Variants in QPCT observed in about 807,000 individuals in gnomAD.
The protein encoded by QPCT is EC.
Under a neutral mutation model 43.4 loss-of-function variants are expected in QPCT, and 44 were observed. The observed-to-expected ratio is 1.01, with a 90% CI of 0.80 to 1.30. QPCT has a LOEUF of 1.30. Among genes scored for constraint, QPCT ranks in the 50% most tolerant of loss-of-function variants. The pLI is 0.00. For synonymous variants in QPCT, 168 were observed against 168.4 expected, an observed-to-expected ratio of 1.00 and a Z score of 0.02; for missense variants, 526 against 436.5, an observed-to-expected ratio of 1.21 and a Z score of -1.83.
At chr2:37,354,542 T>C (rs1672700268) in intron 2 of QPCT, among the ~76,000 whole-genome samples, 1 of 152,218 alleles carries the variant, frequency 6.6e-6, no homozygotes, top group South Asian at 2.1e-4. Flanking sequence ...TGTACCATTG[T>C]TGAGGCCAGA....
intron 4 of QPCT, 130 bp from the exon 5 acceptor site, chr2:37,369,555 C>T: frequency 1.5e-6 from 1 of 678,344 alleles, no homozygotes; most frequent in Non-Finnish European, 2.6e-6. Flanking sequence ...ATCTTTGGTT[C>T]ATTCATATAG....
At chr2:37,371,836 T>A (rs1246404789) in intron 5 of QPCT, among the ~76,000 whole-genome samples, 12 of 152,198 alleles carry the variant, frequency 7.9e-5, no homozygotes, top group Admixed American at 2.6e-4. Flanking sequence ...TCCTAGGTGT[T>A]GCTGATGTTG....
intron 1 of QPCT, among the ~76,000 whole-genome samples, 180 bp from the exon 2 acceptor site, chr2:37,352,609 G>C (rs745954477): frequency 2.0e-5 from 3 of 152,194 alleles, no homozygotes; most frequent in African/African-American, 7.2e-5. Context: ...TGGGATTACA[G>C]GCTTGAGCCA....
chr2:37,359,580 C>A lies in QPCT; in HGVS notation c.268C>A (p.His90Asn). The change falls in exon 3 of 7, where the codon CAC (histidine) becomes AAC (asparagine). Residue 90 changes from histidine to asparagine, a missense_variant and splice_region_variant. Transcript: ENST00000338415. ...TTTTTTGTTTTTTTGTTTTGATCAG[C>A]ACATCATGCAGCGAATTCAGAGGCT... Reference protein sequence around the residue: ...GSPGSYAARQHIMQRIQRLQA... With the variant: ...GSPGSYAARQNIMQRIQRLQA... 1 of 1,612,620 alleles carries A rather than the reference C, an allele frequency of 6.2e-7. No individual in the cohort carries two copies. The highest frequency in any genetic ancestry group is 2.2e-5 in the East Asian group (1 of 44,864).
At chr2:37,353,829 C>T (rs1300754004) in intron 2 of QPCT, among the ~76,000 whole-genome samples, 2 of 152,218 alleles carry the variant, frequency 1.3e-5, no homozygotes, top group Non-Finnish European at 2.9e-5. Context: ...CACTGCTGTG[C>T]CTAGATTGAG....
At chr2:37,370,771 G>A (rs1673056398) in intron 5 of QPCT, among the ~76,000 whole-genome samples, 2 of 152,058 alleles carry the variant, frequency 1.3e-5, no homozygotes, top group Admixed American at 1.3e-4. Context: ...CTTGGGGCTT[G>A]GAGAAAGAAA....
intron 2 of QPCT, among the ~76,000 whole-genome samples, chr2:37,353,887 CAG>C (rs1424303889): frequency 6.6e-6 from 1 of 152,164 alleles, no homozygotes; most frequent in Non-Finnish European, 1.5e-5. Flanking sequence ...CTTTCGATTT[CAG>C]AGTCTCGCTC....
chr2:37,369,465 T>G (rs1558607660), intron 4 of QPCT, among the ~76,000 whole-genome samples: 1 of 152,228 alleles, frequency 6.6e-6, no homozygotes, highest in African/African-American at 2.4e-5. Context: ...ACACAAATAA[T>G]CAATATTTTG....
intron 5 of QPCT, among the ~76,000 whole-genome samples, chr2:37,370,891 G>A (rs1296957179): frequency 3.9e-5 from 6 of 152,196 alleles, no homozygotes; most frequent in African/African-American, 1.2e-4. Flanking sequence ...CTTTATTGTA[G>A]AATCCAGGCC....
intron 1 of QPCT, among the ~76,000 whole-genome samples, chr2:37,350,053 A>G (rs1361760818): frequency 6.6e-6 from 1 of 152,206 alleles, no homozygotes; most frequent in East Asian, 1.9e-4. Context: ...TATGAAAGAC[A>G]GACATTAAAC....
intron 1 of QPCT, among the ~76,000 whole-genome samples, chr2:37,347,170 TATATATATAA>T (rs1672512762): frequency 1.9e-5 from 1 of 52,850 alleles, no homozygotes; most frequent in African/African-American, 8.5e-5. Context: ...ATATAACATA[TATATATATAA>T]CATATATATA....
chr2:37,366,285 G>C (rs34231434), intron 3 of QPCT, among the ~76,000 whole-genome samples: 4,958 of 152,240 alleles, frequency 0.033, 124 homozygotes, highest in Middle Eastern at 0.058. Context: ...ACTCTTTTTA[G>C]TTCCATTCAA....
chr2:37,350,337 T>C (rs1672594710), intron 1 of QPCT, among the ~76,000 whole-genome samples: 1 of 152,252 alleles, frequency 6.6e-6, no homozygotes, highest in Non-Finnish European at 1.5e-5. Context: ...GCCTCCATAT[T>C]CTTCTTATCC....
intron 2 of QPCT, among the ~76,000 whole-genome samples, chr2:37,357,836 G>A (rs1209729837): frequency 2.6e-5 from 4 of 152,002 alleles, no homozygotes; most frequent in African/African-American, 9.7e-5. Flanking sequence ...GTGAGCACAG[G>A]CCACATGGGA....
chr2:37,372,585 T>C (rs1326265761), intron 6 of QPCT, 97 bp from the exon 7 acceptor site: 7 of 1,486,478 alleles, frequency 4.7e-6, no homozygotes, highest in African/African-American at 1.4e-5. Flanking sequence ...TCAGCTGTCT[T>C]TATGTGGTAC....
chr2:37,365,755 G>T (rs893914016), intron 3 of QPCT, among the ~76,000 whole-genome samples: 1 of 152,210 alleles, frequency 6.6e-6, no homozygotes, highest in African/African-American at 2.4e-5. Context: ...ATGACAGAAA[G>T]AAATCAAGGT....
intron 3 of QPCT, among the ~76,000 whole-genome samples, chr2:37,363,465 A>AC (rs1297025355): frequency 2.0e-5 from 3 of 150,036 alleles, no homozygotes; most frequent in African/African-American, 7.4e-5. Flanking sequence ...TCTACAAAAA[A>AC]AAAAAAAAAA....
chr2:37,347,168 TA>T (rs1672511663), intron 1 of QPCT, among the ~76,000 whole-genome samples: 2 of 52,824 alleles, frequency 3.8e-5, no homozygotes, highest in African/African-American at 1.9e-4. Context: ...ATATATAACA[TA>T]TATATATATA....
intron 3 of QPCT, among the ~76,000 whole-genome samples, chr2:37,363,370 C>T (rs1014386556): frequency 6.6e-6 from 1 of 151,008 alleles, no homozygotes; most frequent in Non-Finnish European, 1.5e-5. Flanking sequence ...TGTCTGTAAT[C>T]CTAGCACTTT....
Sources: allele counts gnomAD v4.1 joint callset (sites outside exome capture counted in the v4.1 genomes callset), GRCh38; gene constraint gnomAD v4.1.1; transcripts MANE v1.5; gene names NCBI Gene and HGNC (gene_info 2026-07-23, HGNC 2026-07-21).